The following TEX36 variants were observed in gnomAD, a reference collection of about 807,000 sequenced individuals.
The protein encoded by TEX36 is testis expressed 36.
In TEX36, 12 loss-of-function variants were observed where a neutral mutation model predicts 13.6. The ratio of observed to expected loss-of-function variants is 0.88; its 90% CI spans 0.56 to 1.43. The LOEUF (loss-of-function observed/expected upper bound fraction) is 1.43, where lower values mean the gene tolerates loss of function less well. Ranked by LOEUF, TEX36 falls within the 40% of genes most tolerant of loss-of-function variation. TEX36 has a pLI of 0.00. For missense variants in TEX36, 224 were observed against 228.3 expected (o/e 0.98, Z 0.12); for synonymous variants, 93 against 83.0 (o/e 1.12, Z -0.65).
chr10:125,662,999 C>G (rs181367197), intron 1 of TEX36, among the ~76,000 whole-genome samples: 2 of 152,284 alleles, frequency 1.3e-5, no homozygotes, highest in East Asian at 1.9e-4. Context: ...ATTAAAAAGA[C>G]AAGACCCAAT....
chr10:125,606,426 C>T (rs1245898382), intron 3 of TEX36, among the ~76,000 whole-genome samples: 1 of 152,204 alleles, frequency 6.6e-6, no homozygotes, highest in Non-Finnish European at 1.5e-5. Flanking sequence ...CCATTTTACT[C>T]CTAGAAAGTT....
chr10:125,601,680 G>T (rs1367944406), intron 3 of TEX36, among the ~76,000 whole-genome samples: 1 of 152,220 alleles, frequency 6.6e-6, no homozygotes, highest in Non-Finnish European at 1.5e-5. Context: ...CTCAACTGGG[G>T]ATCCAGGGCC....
chr10:125,649,885 C>T (rs1322633633), intron 3 of TEX36, among the ~76,000 whole-genome samples: 1 of 152,098 alleles, frequency 6.6e-6, no homozygotes, highest in Non-Finnish European at 1.5e-5. Flanking sequence ...CAACAAAGAT[C>T]AAAAGAGACA....
At chr10:125,639,513 A>G (rs1308549039) in intron 3 of TEX36, among the ~76,000 whole-genome samples, 2 of 151,720 alleles carry the variant, frequency 1.3e-5, no homozygotes, top group Non-Finnish European at 2.9e-5. Flanking sequence ...GTAAATACAT[A>G]AGGTCTTTGG....
exon 4 of TEX36, chr10:125,576,747 G>C: frequency 6.5e-7 from 1 of 1,534,890 alleles, no homozygotes; most frequent in South Asian, 1.2e-5. Context: ...CTCCCAAAGA[G>C]CTCACACTGC....
intron 2 of TEX36, 65 bp downstream of exon 2, chr10:125,661,781 C>G: frequency 6.5e-6 from 10 of 1,531,800 alleles, no homozygotes; most frequent in Non-Finnish European, 8.8e-6. Context: ...GCCCAACGTG[C>G]CAGCGGCGCT....
chr10:125,643,508 C>G (rs142265553), intron 3 of TEX36, among the ~76,000 whole-genome samples: 3,048 of 152,244 alleles, frequency 0.02, 102 homozygotes, highest in African/African-American at 0.068. Context: ...CTTTGGGAGG[C>G]TGAGGAGGGC....
At chr10:125,603,502 C>T (rs963914722) in intron 3 of TEX36, among the ~76,000 whole-genome samples, 1 of 152,096 alleles carries the variant, frequency 6.6e-6, no homozygotes, top group African/African-American at 2.4e-5. Flanking sequence ...CCCAGGAGAA[C>T]TTGTTGACGA....
chr10:125,632,610 T>C (rs1458454613), intron 3 of TEX36, among the ~76,000 whole-genome samples: 3 of 152,006 alleles, frequency 2.0e-5, no homozygotes, highest in East Asian at 3.9e-4. Context: ...GTAAAAGTGA[T>C]GGGAAATAAG....
At chr10:125,674,956 T>C (rs779326534) in intron 1 of TEX36, among the ~76,000 whole-genome samples, 3 of 152,220 alleles carry the variant, frequency 2.0e-5, no homozygotes, top group Non-Finnish European at 4.4e-5. Flanking sequence ...AGTGGGTGCA[T>C]TGAGCTGGGG....
intron 3 of TEX36, among the ~76,000 whole-genome samples, chr10:125,600,721 T>C (rs1248777346): frequency 6.6e-6 from 1 of 152,144 alleles, no homozygotes; most frequent in Non-Finnish European, 1.5e-5. Flanking sequence ...AACTGTCCCA[T>C]CTTTAAGCTA....
intron 3 of TEX36, among the ~76,000 whole-genome samples, chr10:125,657,360 T>A (rs1014587857): frequency 6.6e-6 from 1 of 152,082 alleles, no homozygotes; most frequent in Non-Finnish European, 1.5e-5. Context: ...GGGAGGGATG[T>A]ACTCCACATA....
chr10:125,612,443 G>C (rs1274458526), intron 3 of TEX36, among the ~76,000 whole-genome samples: 1 of 152,018 alleles, frequency 6.6e-6, no homozygotes, highest in African/African-American at 2.4e-5. Context: ...GGAAACTGAG[G>C]CTTTCTGTTT....
chr10:125,673,710 C>CAAA (rs3064205), intron 1 of TEX36, among the ~76,000 whole-genome samples: 6 of 68,420 alleles, frequency 8.8e-5, no homozygotes, highest in Admixed American at 1.6e-4. Context: ...GACTCTCTCT[C>CAAA]AAAAAAAAAA....
chr10:125,631,347 C>T (rs1193555664), intron 3 of TEX36, among the ~76,000 whole-genome samples: 1 of 152,214 alleles, frequency 6.6e-6, no homozygotes, highest in Non-Finnish European at 1.5e-5. Flanking sequence ...GGTCACTAAT[C>T]ATGAGCTATT....
chr10:125,656,026 T>A lies in TEX36; in HGVS notation c.435A>T (p.Arg145=). 1 of 1,551,970 alleles carries A rather than the reference T, an allele frequency of 6.4e-7. No homozygotes were observed. Among genetic ancestry groups the A allele is most frequent in the Non-Finnish European group, 8.7e-7 (1 of 1,147,048 alleles). The stretch of plus-strand genomic sequence containing the variant: ...AAGCGTTCCATATCTCTTTATAGCA[T>A]CGTGGAAAGCGTCTGAAGCTTGAGA... ...MVVSSFRRFP[R]CYKEIWNAFT... is the part of the protein sequence containing the mutation. The change falls in exon 4 of 4, where the codon CGA becomes CGT. Residue 145 remains arginine, a synonymous_variant. Transcript: ENST00000368821.
At chr10:125,612,802 C>T (rs1436619405) in intron 3 of TEX36, among the ~76,000 whole-genome samples, 2 of 120,278 alleles carry the variant, frequency 1.7e-5, no homozygotes, top group Non-Finnish European at 3.3e-5. Context: ...GGGGATTTTA[C>T]AAACAGGAAA....
chr10:125,652,734 C>T (rs1846879353), downstream of TEX36, among the ~76,000 whole-genome samples: 1 of 152,008 alleles, frequency 6.6e-6, no homozygotes, highest in Non-Finnish European at 1.5e-5. Flanking sequence ...TACAATCTAC[C>T]CATCTGACAA....
intron 3 of TEX36, among the ~76,000 whole-genome samples, chr10:125,583,361 G>A (rs563909475): frequency 1.4e-3 from 214 of 151,586 alleles, no homozygotes; most frequent in Middle Eastern, 3.4e-3. Context: ...TGTCTGGTAA[G>A]GGCATGGTCT....
Sources: gnomAD v4.1 joint callset for allele counts (sites outside exome capture counted in the v4.1 genomes callset) on GRCh38, gnomAD v4.1.1 for gene constraint, MANE v1.5 for transcripts, NCBI Gene and HGNC (gene_info 2026-07-23, HGNC 2026-07-21) for gene names.